The following LRRC69 variants were observed in gnomAD, a reference collection of about 807,000 sequenced individuals.
LRRC69 encodes the protein leucine rich repeat containing 69, also known as leucine-rich repeat-containing protein 69.
LRRC69 carries 42 observed loss-of-function variants against 37.8 expected under a neutral mutation model. The observed-to-expected ratio is 1.11, with a 90% CI of 0.87 to 1.44. LRRC69 has a LOEUF of 1.44. Among genes scored for constraint, LRRC69 ranks in the 40% most tolerant of loss-of-function variants. The pLI, the probability that LRRC69 is intolerant of heterozygous loss-of-function variation, is 0.00. For synonymous variants in LRRC69, 141 were observed against 143.1 expected (o/e 0.99, Z 0.11); for missense variants, 357 against 401.9 (o/e 0.89, Z 0.96).
At chr8:91,116,089 GT>G (rs1399877960) in intron 1 of LRRC69, among the ~76,000 whole-genome samples, 1 of 151,934 alleles carries the variant, frequency 6.6e-6, no homozygotes, top group African/African-American at 2.4e-5. Flanking sequence ...AAATAAGCAG[GT>G]TTTAAATTTG....
At chr8:91,173,640 CT>C (rs1045817329) in intron 5 of LRRC69, among the ~76,000 whole-genome samples, 1 of 152,028 alleles carries the variant, frequency 6.6e-6, no homozygotes, top group African/African-American at 2.4e-5. Context: ...ATACCTTAGA[CT>C]GAGTAATTTA....
intron 7 of LRRC69, among the ~76,000 whole-genome samples, chr8:91,212,692 A>G (rs79575646): frequency 1.3e-5 from 2 of 152,210 alleles, no homozygotes; most frequent in African/African-American, 4.8e-5. Flanking sequence ...CAACCAGTCA[A>G]CTGTGAAAAT....
At chr8:91,211,191 GA>G (rs1190038283) in intron 7 of LRRC69, among the ~76,000 whole-genome samples, 7 of 151,904 alleles carry the variant, frequency 4.6e-5, no homozygotes, top group Middle Eastern at 3.4e-3. Flanking sequence ...ATTATAAGAA[GA>G]AAAAATTTTT....
chr8:91,142,422 A>C (rs1421333863), intron 5 of LRRC69, among the ~76,000 whole-genome samples: 1 of 152,096 alleles, frequency 6.6e-6, no homozygotes. Context: ...AAAATTTGCA[A>C]GTTATCAAAT....
At chr8:91,180,581 A>T (rs1407964844) in intron 5 of LRRC69, among the ~76,000 whole-genome samples, 1 of 152,202 alleles carries the variant, frequency 6.6e-6, no homozygotes, top group Non-Finnish European at 1.5e-5. Context: ...AGGAGCAGTA[A>T]CAAATAATTT....
At chr8:91,135,115 C>G (rs868794956) in intron 4 of LRRC69, among the ~76,000 whole-genome samples, 30 of 152,080 alleles carry the variant, frequency 2.0e-4, no homozygotes, top group Middle Eastern at 3.4e-3. Context: ...TGAAGGAACA[C>G]ATTGGAGTCT....
chr8:91,166,605 G>A (rs1276034081), intron 5 of LRRC69, among the ~76,000 whole-genome samples: 1 of 148,274 alleles, frequency 6.7e-6, no homozygotes, highest in Non-Finnish European at 1.5e-5. Context: ...CTTGATCAAA[G>A]ATATGCTCTG....
chr8:91,173,337 C>T (rs187300797), intron 5 of LRRC69, among the ~76,000 whole-genome samples: 9 of 150,996 alleles, frequency 6.0e-5, no homozygotes, highest in East Asian at 5.9e-4. Context: ...CTTCCATATT[C>T]ATCCTGGGTC....
chr8:91,193,455 C>T (rs1463337939), intron 6 of LRRC69, among the ~76,000 whole-genome samples: 4 of 132,944 alleles, frequency 3.0e-5, no homozygotes, highest in East Asian at 2.2e-4. Flanking sequence ...GCCATTTTCA[C>T]GATATTGATT....
intron 4 of LRRC69, among the ~76,000 whole-genome samples, chr8:91,134,235 A>G (rs775362363): frequency 4.6e-5 from 7 of 151,478 alleles, no homozygotes; most frequent in Non-Finnish European, 5.9e-5. Context: ...ACAGCAGGCT[A>G]TCTGCAAGCT....
Position 91,105,659 on chromosome 8 carries a change from CAAAAAAAAAA to C in LRRC69, c.183+2824_183+2833del, listed in dbSNP as rs11407238. On this transcript the variant is annotated intron_variant, in intron 1 of 7. Transcript: ENST00000448384. Reference sequence around the variant, plus strand: ...CCTGGGCTGCAGAGTGATTCTGTCTCAAAAAAAAAAAAAAAAAAGGAAAGGCAGATGAAGG... The same window carrying C: ...CCTGGGCTGCAGAGTGATTCTGTCTCAAAAAAAAGGAAAGGCAGATGAAGG... Among the ~76,000 whole-genome samples, 3 of 110,532 alleles carry C rather than the reference CAAAAAAAAAA, an allele frequency of 2.7e-5. No homozygotes were observed. In the South Asian group the frequency reaches 9.4e-4, roughly 35 times the overall value. 72.5% of individuals were successfully genotyped at this position (110,532 alleles called of 152,430 possible). A position where few individuals can be genotyped will look rare whatever the true frequency, so the allele number is the denominator to read the frequency against.
At chr8:91,104,809 A>G (rs1813280103) in intron 1 of LRRC69, among the ~76,000 whole-genome samples, 2 of 151,990 alleles carry the variant, frequency 1.3e-5, no homozygotes, top group Admixed American at 1.3e-4. Flanking sequence ...TGGTAGTTAA[A>G]TTGTTTGATC....
intron 7 of LRRC69, among the ~76,000 whole-genome samples, chr8:91,209,713 C>G (rs1242896783): frequency 1.3e-5 from 2 of 152,254 alleles, no homozygotes; most frequent in South Asian, 2.1e-4. Flanking sequence ...TGATTAGGTA[C>G]TGCTACTTTA....
intron 7 of LRRC69, among the ~76,000 whole-genome samples, chr8:91,216,611 G>T (rs1482783095): frequency 6.6e-6 from 1 of 152,078 alleles, no homozygotes; most frequent in Non-Finnish European, 1.5e-5. Flanking sequence ...AGGATTAACT[G>T]GTTGGGTGAG....
chr8:91,203,901 C>T (rs1376850281), intron 7 of LRRC69, among the ~76,000 whole-genome samples: 7 of 151,124 alleles, frequency 4.6e-5, no homozygotes, highest in South Asian at 2.1e-4. Flanking sequence ...GGGCAGATCA[C>T]GAGGTCAGGA....
intron 3 of LRRC69, among the ~76,000 whole-genome samples, chr8:91,129,469 G>A (rs1277098752): frequency 6.6e-6 from 1 of 151,714 alleles, no homozygotes; most frequent in East Asian, 1.9e-4. Flanking sequence ...ATGAACAATA[G>A]GATCTGAGCT....
At chr8:91,212,773 A>G (rs1809954373) in intron 7 of LRRC69, among the ~76,000 whole-genome samples, 1 of 152,218 alleles carries the variant, frequency 6.6e-6, no homozygotes, top group African/African-American at 2.4e-5. Context: ...AGAGGATCAG[A>G]AAGCATCACA....
intron 5 of LRRC69, among the ~76,000 whole-genome samples, chr8:91,175,953 A>G (rs1367977914): frequency 1.3e-5 from 2 of 150,996 alleles, no homozygotes; most frequent in African/African-American, 4.9e-5. Context: ...CTTTTACTGA[A>G]TCTTTTCTTT....
chr8:91,157,413 T>G (rs1326413820), intron 5 of LRRC69: 23 of 1,607,968 alleles, frequency 1.4e-5, no homozygotes, highest in Non-Finnish European at 2.0e-5. Flanking sequence ...CTGCTGTGGA[T>G]CCCACTAAAG....
Sources: gnomAD v4.1 joint callset for allele counts (sites outside exome capture counted in the v4.1 genomes callset) on GRCh38, gnomAD v4.1.1 for gene constraint, MANE v1.5 for transcripts, NCBI Gene and HGNC (gene_info 2026-07-23, HGNC 2026-07-21) for gene names.